The following IBTK variants were observed in gnomAD, a reference collection of about 807,000 sequenced individuals.
IBTK encodes the protein BTK-binding protein.
A neutral mutation model predicts 154.9 loss-of-function variants in IBTK; 83 were observed. The ratio of observed to expected loss-of-function variants is 0.54; its 90% CI spans 0.45 to 0.64. IBTK has a LOEUF of 0.64. Ranked by LOEUF, IBTK falls within the 30% of genes least tolerant of loss-of-function variation. The pLI is 0.00. For synonymous variants in IBTK, 515 were observed against 536.1 expected (o/e 0.96, Z 0.54); for missense variants, 1,332 against 1,584.6 (o/e 0.84, Z 2.71).
chr6:82,211,158 C>T (rs951129870), intron 15 of IBTK, among the ~76,000 whole-genome samples: 2 of 151,940 alleles, frequency 1.3e-5, no homozygotes, highest in African/African-American at 2.4e-5. Flanking sequence ...TAAATAATAA[C>T]GGGGAAATTT....
intron 8 of IBTK, among the ~76,000 whole-genome samples, chr6:82,221,615 GA>G (rs1355607975): frequency 6.6e-5 from 10 of 150,818 alleles, no homozygotes; most frequent in South Asian, 4.2e-4. Context: ...TAAATTAAAG[GA>G]AAAAAAAATT....
intron 4 of IBTK, among the ~76,000 whole-genome samples, chr6:82,231,139 C>T (rs1017188176): frequency 6.6e-6 from 1 of 152,092 alleles, no homozygotes; most frequent in Non-Finnish European, 1.5e-5. Flanking sequence ...TTACCAGACC[C>T]TCAGTTAAAA....
chr6:82,190,335 C>G (rs1306975419), intron 25 of IBTK, among the ~76,000 whole-genome samples: 6 of 145,962 alleles, frequency 4.1e-5, no homozygotes, highest in Non-Finnish European at 1.5e-5. Context: ...TGCCAAGATC[C>G]TCCCCAGTCC....
intron 8 of IBTK, 135 bp from the exon 9 acceptor site, chr6:82,220,848 G>T: frequency 8.0e-6 from 5 of 624,246 alleles, no homozygotes; most frequent in East Asian, 3.9e-5. Flanking sequence ...TTTGGTCTTT[G>T]GTATCTCTAG....
intron 18 of IBTK, among the ~76,000 whole-genome samples, chr6:82,201,922 C>A (rs1025871671): frequency 7.2e-5 from 11 of 152,048 alleles, no homozygotes; most frequent in African/African-American, 1.9e-4. Flanking sequence ...GATAGGGTTT[C>A]ACCATCTTGG....
At chr6:82,181,194 A>T (rs1028120720) in intron 26 of IBTK, among the ~76,000 whole-genome samples, 2 of 152,214 alleles carry the variant, frequency 1.3e-5, no homozygotes, top group African/African-American at 4.8e-5. Context: ...GTTTGAGACC[A>T]GCCTGGGCAA....
intron 1 of IBTK, among the ~76,000 whole-genome samples, chr6:82,245,254 C>T (rs949435405): frequency 6.6e-6 from 1 of 152,036 alleles, no homozygotes; most frequent in African/African-American, 2.4e-5. Context: ...TATGTATAAA[C>T]TAAGACTTAA....
At chr6:82,181,840 A>T in intron 26 of IBTK, 39 bp downstream of exon 26, 1 of 1,387,054 alleles carries the variant, frequency 7.2e-7, no homozygotes, top group Non-Finnish European at 9.8e-7. Context: ...AGAATATTTT[A>T]AGGTAGAAAA....
intron 23 of IBTK, among the ~76,000 whole-genome samples, chr6:82,192,898 G>A (rs1374166738): frequency 6.6e-6 from 1 of 151,918 alleles, no homozygotes; most frequent in East Asian, 1.9e-4. Flanking sequence ...AGGAATTCAA[G>A]ACCAGTCTGG....
intron 25 of IBTK, among the ~76,000 whole-genome samples, chr6:82,185,927 G>A (rs1214796089): frequency 6.6e-6 from 1 of 152,040 alleles, no homozygotes; most frequent in Non-Finnish European, 1.5e-5. Flanking sequence ...ACCTTGCATG[G>A]AGCAAGTATA....
intron 16 of IBTK, 80 bp from the exon 17 acceptor site, chr6:82,205,038 C>T: frequency 1.5e-6 from 1 of 685,270 alleles, no homozygotes; most frequent in Non-Finnish European, 2.3e-6. Context: ...GTAATTAGTA[C>T]ACTAGAAAAG....
At chr6:82,234,518 A>G (rs1490627160) in intron 2 of IBTK, among the ~76,000 whole-genome samples, 1 of 151,474 alleles carries the variant, frequency 6.6e-6, no homozygotes, top group African/African-American at 2.4e-5. Flanking sequence ...TTCTATTTTT[A>G]GTAGAGACAG....
At chr6:82,219,048 T>A (rs1402982910) in intron 9 of IBTK, among the ~76,000 whole-genome samples, 2 of 152,196 alleles carry the variant, frequency 1.3e-5, no homozygotes, top group Non-Finnish European at 2.9e-5. Context: ...TATAAGTTTT[T>A]ATACTCAACT....
Position 82,214,395 on chromosome 6 carries a change from T to C in IBTK, c.2036A>G (p.Gln679Arg), listed in dbSNP as rs904806701. The change falls in exon 12 of 29, where the codon CAG (glutamine) becomes CGG (arginine). Residue 679 changes from glutamine (Q) to arginine (R), a missense_variant. Coordinates refer to ENST00000306270, the MANE Select transcript of IBTK (RefSeq NM_015525.4). ...NKVNFHEDDN[Q>R]KSAFEVYKSN... Reference sequence around the variant, plus strand: ...TTTGTAAACTTCAAATGCAGACTTCTGGTTATCATCTTCATGGAAATTCAC... The same window carrying C: ...TTTGTAAACTTCAAATGCAGACTTCCGGTTATCATCTTCATGGAAATTCAC... 2.5e-6 allele frequency: 4 copies of C among 1,614,060 alleles called. No homozygotes were observed. Among genetic ancestry groups the C allele is most frequent in the Non-Finnish European group, 2.5e-6 (3 of 1,179,948 alleles).
At chr6:82,223,353 A>C (rs1328245691) in intron 8 of IBTK, 87 bp downstream of exon 8, 2 of 1,052,878 alleles carry the variant, frequency 1.9e-6, no homozygotes, top group African/African-American at 3.2e-5. Context: ...ACATTTATAG[A>C]ACATAGCATA....
intron 9 of IBTK, among the ~76,000 whole-genome samples, chr6:82,219,023 C>T (rs1270522048): frequency 1.3e-5 from 2 of 152,146 alleles, no homozygotes; most frequent in Non-Finnish European, 2.9e-5. Context: ...AAGTGATACA[C>T]ATCCCAAAAT....
At chr6:82,193,361 A>G (rs1394252479) in intron 23 of IBTK, among the ~76,000 whole-genome samples, 2 of 152,160 alleles carry the variant, frequency 1.3e-5, no homozygotes, top group East Asian at 3.9e-4. Context: ...ATATCCTAAC[A>G]TTAGCAATCA....
At chr6:82,216,719 A>G (rs1328557399) in intron 10 of IBTK, among the ~76,000 whole-genome samples, 1 of 152,156 alleles carries the variant, frequency 6.6e-6, no homozygotes, top group East Asian at 1.9e-4. Flanking sequence ...ATATGTGCGT[A>G]ACCAAACTGG....
intron 8 of IBTK, among the ~76,000 whole-genome samples, chr6:82,222,901 TA>T (rs74272606): frequency 2.8e-4 from 39 of 137,360 alleles, no homozygotes; most frequent in Admixed American, 4.4e-4. Flanking sequence ...CTGTCTCAAT[TA>T]AAAAAAAAAA....
Sources: gnomAD v4.1 joint callset for allele counts (sites outside exome capture counted in the v4.1 genomes callset) on GRCh38, gnomAD v4.1.1 for gene constraint, MANE v1.5 for transcripts, NCBI Gene and HGNC (gene_info 2026-07-23, HGNC 2026-07-21) for gene names.